The following ENKUR variants were observed in gnomAD, a reference collection of about 807,000 sequenced individuals.
ENKUR encodes the protein enkurin.
Under a neutral mutation model 27.6 loss-of-function variants are expected in ENKUR, and 19 were observed. The observed-to-expected ratio is 0.69, with a 90% CI of 0.48 to 1.01. ENKUR has a LOEUF of 1.01. Among genes scored for constraint, ENKUR ranks in the 50% least tolerant of loss-of-function variants. The pLI, the probability that ENKUR is intolerant of heterozygous loss-of-function variation, is 0.00. For missense variants in ENKUR, 312 were observed against 310.5 expected, an observed-to-expected ratio of 1.00 and a Z score of -0.04; for synonymous variants, 117 against 96.9, an observed-to-expected ratio of 1.21 and a Z score of -1.22.
chr10:25,042,307 T>A (rs1290891955), intron 2 of ENKUR, among the ~76,000 whole-genome samples: 5 of 140,278 alleles, frequency 3.6e-5, no homozygotes, highest in African/African-American at 1.1e-4. Context: ...AAAAAAAAAA[T>A]CTTTTGAAAG....
intron 2 of ENKUR, among the ~76,000 whole-genome samples, chr10:25,037,571 A>G (rs1851021806): frequency 6.6e-6 from 1 of 152,172 alleles, no homozygotes; most frequent in Non-Finnish European, 1.5e-5. Flanking sequence ...AAATGACTCA[A>G]TTACTAATGA....
intron 2 of ENKUR, chr10:25,061,056 C>A: frequency 1.3e-6 from 2 of 1,501,572 alleles, no homozygotes; most frequent in South Asian, 2.4e-5. Context: ...CTAAGGCCCC[C>A]TATTAGGCTG....
At chr10:25,023,795 A>G (rs760920661) in intron 2 of ENKUR, 36 of 1,614,068 alleles carry the variant, frequency 2.2e-5, no homozygotes, top group African/African-American at 5.3e-5. Flanking sequence ...TTTAGAAGAC[A>G]GTATTATAAG....
At chr10:25,038,310 T>C (rs1769155594) in intron 2 of ENKUR, among the ~76,000 whole-genome samples, 1 of 152,232 alleles carries the variant, frequency 6.6e-6, no homozygotes, top group South Asian at 2.1e-4. Context: ...GACATGGAAC[T>C]GTGTTATGTC....
At chr10:24,987,759 G>C (rs531907342) in intron 4 of ENKUR, among the ~76,000 whole-genome samples, 34 of 152,226 alleles carry the variant, frequency 2.2e-4, no homozygotes, top group Non-Finnish European at 4.0e-4. Flanking sequence ...ATGAGTTTTA[G>C]TCCCTATTGA....
intron 2 of ENKUR, among the ~76,000 whole-genome samples, chr10:25,059,011 G>C (rs1342789372): frequency 6.6e-6 from 1 of 151,476 alleles, no homozygotes; most frequent in African/African-American, 2.4e-5. Context: ...CAAGAAGCAG[G>C]TGCTCACTTC....
At chr10:25,009,777 T>C (rs941739679) in intron 1 of ENKUR, among the ~76,000 whole-genome samples, 3 of 152,144 alleles carry the variant, frequency 2.0e-5, no homozygotes, top group African/African-American at 7.2e-5. Context: ...TAAGATCTGA[T>C]GGTTTTATAA....
intron 2 of ENKUR, among the ~76,000 whole-genome samples, chr10:25,049,388 TAAA>T (rs889451071): frequency 7.9e-5 from 11 of 139,182 alleles, no homozygotes; most frequent in African/African-American, 2.7e-4. Flanking sequence ...GGTATGTAAA[TAAA>T]AACTTATGGA....
At chr10:25,035,681 G>T (rs1458996055) in intron 2 of ENKUR, among the ~76,000 whole-genome samples, 1 of 152,158 alleles carries the variant, frequency 6.6e-6, no homozygotes, top group African/African-American at 2.4e-5. Flanking sequence ...TTAGGAAATG[G>T]AATGAACAGT....
intron 2 of ENKUR, among the ~76,000 whole-genome samples, chr10:25,036,598 G>A (rs980017636): frequency 1.3e-5 from 2 of 152,204 alleles, no homozygotes; most frequent in Non-Finnish European, 2.9e-5. Context: ...TGCTAGCAGA[G>A]TATTGTTCTA....
At position 25,010,052 on chromosome 10, in the gene ENKUR, G is replaced by C. The variant is rs151245435; in HGVS notation, c.77+5808C>G. Among the ~76,000 whole-genome samples the C allele has an allele frequency of 6.9e-3, 1,049 of 152,318 alleles. 9 individuals are homozygous for C. Among genetic ancestry groups the C allele is most frequent in the Non-Finnish European group, 0.011 (751 of 68,026 alleles). On this transcript the variant is annotated intron_variant, in intron 1 of 5. Coordinates refer to ENST00000331161, the MANE Select transcript of ENKUR (RefSeq NM_145010.4). ...AAAGCGACTTTGGAACTGGGTAACA[G>C]GCAGAGGTTGGAACAGTTTGGAGGG...
chr10:25,023,781 T>G lies in ENKUR; in HGVS notation c.38-27912A>C, dbSNP rs772186006. 1.5e-5 allele frequency: 24 copies of G among 1,614,008 alleles called. No homozygotes were observed. The Admixed American group carries it at 1.7e-4, about 11-fold the overall frequency. ...CTGGAACATCTATGAAAGACTTACT[T>G]AAATTTAGAAGACAGTATTATAAGA... On this transcript the variant is annotated intron_variant, in intron 2 of 5. Coordinates refer to the ENKUR transcript ENST00000615958.
At chr10:25,025,494 TGC>T (rs766742566) in intron 2 of ENKUR, 15 of 1,545,188 alleles carry the variant, frequency 9.7e-6, no homozygotes, top group Non-Finnish European at 1.1e-5. Context: ...GCTATAAGCA[TGC>T]AATAATAAAT....
exon 2 of ENKUR, chr10:25,061,295 G>C (rs1851323943): frequency 1.4e-6 from 1 of 693,526 alleles, no homozygotes; most frequent in South Asian, 1.8e-5. Flanking sequence ...TTTATCCCAG[G>C]CTTTCTTGTG....
At chr10:25,012,060 G>A (rs892031810) in intron 1 of ENKUR, among the ~76,000 whole-genome samples, 6 of 152,226 alleles carry the variant, frequency 3.9e-5, no homozygotes, top group Non-Finnish European at 7.3e-5. Flanking sequence ...AGGGGACAAC[G>A]TAGAGCTCAG....
chr10:24,990,636 A>G, intron 3 of ENKUR, 27 bp from the exon 4 acceptor site: 1 of 1,585,938 alleles, frequency 6.3e-7, no homozygotes, highest in South Asian at 1.2e-5. Flanking sequence ...GAAAAAAGTA[A>G]TCAATATTTT....
At chr10:24,986,715 C>T (rs1849788610) in intron 4 of ENKUR, among the ~76,000 whole-genome samples, 1 of 152,030 alleles carries the variant, frequency 6.6e-6, no homozygotes, top group African/African-American at 2.4e-5. Flanking sequence ...CCAGTGTGTA[C>T]AATAACGTTT....
At chr10:24,988,213 G>C (rs1268472954) in intron 4 of ENKUR, among the ~76,000 whole-genome samples, 1 of 144,856 alleles carries the variant, frequency 6.9e-6, no homozygotes, top group East Asian at 2.0e-4. Flanking sequence ...GACAGAGCAA[G>C]ACTTCATCTC....
intron 2 of ENKUR, among the ~76,000 whole-genome samples, chr10:25,036,819 G>A (rs979603476): frequency 2.6e-5 from 4 of 152,166 alleles, no homozygotes; most frequent in Non-Finnish European, 4.4e-5. Context: ...TCCTAATGAC[G>A]TTTACATTTT....
Sources: gnomAD v4.1 joint callset for allele counts (sites outside exome capture counted in the v4.1 genomes callset) on GRCh38, gnomAD v4.1.1 for gene constraint, MANE v1.5 for transcripts, NCBI Gene and HGNC (gene_info 2026-07-23, HGNC 2026-07-21) for gene names.